The following ST18 variants were observed in gnomAD, a reference collection of about 807,000 sequenced individuals.
ST18 encodes suppression of tumorigenicity 18 protein.
A neutral mutation model predicts 110.0 loss-of-function variants in ST18; 50 were observed. That is an observed-to-expected ratio of 0.45 (90% CI 0.36 to 0.58). The LOEUF is 0.58. Ranked by LOEUF, ST18 falls within the 20% of genes least tolerant of loss-of-function variation. The pLI, the probability that ST18 is intolerant of heterozygous loss-of-function variation, is 0.00. For synonymous variants in ST18, 461 were observed against 452.4 expected (o/e 1.02, Z -0.24); for missense variants, 1,306 against 1,280.1 (o/e 1.02, Z -0.31).
chr8:52,400,856 C>T (rs145024976), intron 2 of ST18, among the ~76,000 whole-genome samples: 21 of 152,206 alleles, frequency 1.4e-4, no homozygotes, highest in East Asian at 5.8e-4. Flanking sequence ...AAGATTTACA[C>T]GCCACCACTA....
intron 2 of ST18, among the ~76,000 whole-genome samples, chr8:52,394,942 C>T (rs1313520643): frequency 6.6e-6 from 1 of 151,926 alleles, no homozygotes. Flanking sequence ...AGAAACACAG[C>T]AGACGCAATG....
At chr8:52,179,467 A>T (rs571562264) in intron 9 of ST18, among the ~76,000 whole-genome samples, 8 of 152,304 alleles carry the variant, frequency 5.3e-5, no homozygotes, top group African/African-American at 1.9e-4. Flanking sequence ...CTTTTCTACA[A>T]TACATCATTT....
chr8:52,358,216 G>A (rs1824063234), intron 2 of ST18, among the ~76,000 whole-genome samples: 1 of 151,688 alleles, frequency 6.6e-6, no homozygotes, highest in African/African-American at 2.4e-5. Context: ...ATGCTAGGAG[G>A]GAAATTTATA....
At chr8:52,306,121 A>C (rs946508494) in intron 2 of ST18, among the ~76,000 whole-genome samples, 7 of 152,258 alleles carry the variant, frequency 4.6e-5, no homozygotes, top group African/African-American at 1.4e-4. Flanking sequence ...CCCTAGGCTA[A>C]AATGCTCTTC....
In ST18 at chr8:52,218,303, G is replaced by A. The variant is rs552784095; in HGVS notation, c.-156-402C>T. ...TCATGGTGACCACAATGTTTTGAGG[G>A]CGCTTTCTGAAAACCCTTATAAAAT... On this transcript the variant is annotated intron_variant, in intron 5 of 25. Coordinates refer to ENST00000689386, the MANE Select transcript of ST18 (RefSeq NM_001352837.2). 3.3e-5 allele frequency among the ~76,000 whole-genome samples: 5 copies of A among 151,858 alleles called. No homozygotes were observed. The East Asian group carries it at 7.7e-4, about 23-fold the overall frequency.
intron 8 of ST18, among the ~76,000 whole-genome samples, chr8:52,186,236 A>G (rs2072141738): frequency 6.6e-6 from 1 of 152,238 alleles, no homozygotes; most frequent in African/African-American, 2.4e-5. Flanking sequence ...ACAAGAAAAG[A>G]CAGACTGCCA....
chr8:52,398,959 C>T (rs557779070), intron 2 of ST18, among the ~76,000 whole-genome samples: 4 of 151,940 alleles, frequency 2.6e-5, no homozygotes, highest in South Asian at 2.1e-4. Flanking sequence ...TCATAAAATG[C>T]GTTAGGAAGT....
intron 2 of ST18, among the ~76,000 whole-genome samples, chr8:52,280,993 A>G (rs1047624383): frequency 2.0e-5 from 3 of 152,180 alleles, no homozygotes; most frequent in Admixed American, 6.5e-5. Flanking sequence ...ATGTTAGGTA[A>G]GCAAAAAGTA....
intron 9 of ST18, 102 bp from the exon 10 acceptor site, chr8:52,172,685 AG>A: frequency 4.9e-6 from 4 of 819,126 alleles, no homozygotes; most frequent in Non-Finnish European, 7.4e-6. Context: ...TCACATACAT[AG>A]GTACATACAC....
chr8:52,287,227 C>T (rs909684815), intron 2 of ST18, among the ~76,000 whole-genome samples: 20 of 152,170 alleles, frequency 1.3e-4, no homozygotes, highest in African/African-American at 4.8e-4. Context: ...TTTCTATGTA[C>T]ATAGAACCTA....
chr8:52,282,504 C>T (rs779544841), intron 2 of ST18, among the ~76,000 whole-genome samples: 5 of 152,130 alleles, frequency 3.3e-5, no homozygotes, highest in African/African-American at 4.8e-5. Context: ...CTTTGAGAAA[C>T]GCACTAAGGA....
At chr8:52,409,811 C>G (rs1389229494), upstream of ST18, 1 of 152,254 alleles carries the variant, frequency 6.6e-6, no homozygotes. Flanking sequence ...TTACCAACCG[C>G]ACAAAGAAAA....
chr8:52,132,818 G>A (rs1208804741), intron 21 of ST18, among the ~76,000 whole-genome samples: 7 of 152,084 alleles, frequency 4.6e-5, no homozygotes, highest in Admixed American at 4.6e-4. Context: ...TAAAACAATT[G>A]AGAAATGTAT....
intron 2 of ST18, among the ~76,000 whole-genome samples, chr8:52,298,563 A>G (rs2095668162): frequency 6.6e-6 from 1 of 152,202 alleles, no homozygotes; most frequent in Non-Finnish European, 1.5e-5. Context: ...CCTTTTTCCA[A>G]ACCATGTGTG....
chr8:52,256,929 G>T (rs1190548663), intron 2 of ST18, among the ~76,000 whole-genome samples: 1 of 152,070 alleles, frequency 6.6e-6, no homozygotes, highest in African/African-American at 2.4e-5. Context: ...ATACTCATTA[G>T]CAGTCATTCC....
chr8:52,339,486 C>G (rs531076171), intron 2 of ST18, among the ~76,000 whole-genome samples: 1 of 152,240 alleles, frequency 6.6e-6, no homozygotes, highest in Non-Finnish European at 1.5e-5. Flanking sequence ...CTGCAGGGCA[C>G]GTACAGCAGG....
At position 52,111,067 on chromosome 8, in the gene ST18, C is replaced by T. The variant is rs1456891489; in HGVS notation, c.*2131G>A. ...AACAAATTCAGTGCACATTACAAAACACATCAAGTACAAAGTAGGCAAATA... is the reference window on the plus strand; with the variant it reads ...AACAAATTCAGTGCACATTACAAAATACATCAAGTACAAAGTAGGCAAATA... On this transcript the variant is annotated 3_prime_UTR_variant, in exon 26 of 26. Coordinates refer to ENST00000689386, the MANE Select transcript of ST18 (RefSeq NM_001352837.2). 2.5e-6 allele frequency: 1 copy of T among 398,384 alleles called. No homozygotes were observed. The highest frequency in any genetic ancestry group is 4.4e-6 in the Non-Finnish European group (1 of 225,794). The allele number at this position is 398,384 out of a possible 1,614,324, so 24.7% of individuals were successfully genotyped here.
intron 2 of ST18, among the ~76,000 whole-genome samples, chr8:52,382,752 A>T (rs984968060): frequency 5.6e-5 from 8 of 143,390 alleles, no homozygotes; most frequent in African/African-American, 2.0e-4. Context: ...TTCATTTACA[A>T]TTTTTTTTTT....
chr8:52,122,967 T>C lies in ST18; in HGVS notation c.2755+3085A>G, dbSNP rs1394794525. Among the ~76,000 whole-genome samples the C allele has an allele frequency of 2.0e-5, 3 of 152,222 alleles. No individual in the cohort carries two copies. The East Asian group carries it at 5.8e-4, about 29-fold the overall frequency. ...CACTATTTTGTCACATGAGAAGAGCTAGAAGGAGCTCCTAAATGCAAGACC... is the reference window on the plus strand; with the variant it reads ...CACTATTTTGTCACATGAGAAGAGCCAGAAGGAGCTCCTAAATGCAAGACC... On this transcript the variant is annotated intron_variant, in intron 23 of 25. Coordinates refer to ENST00000689386, the MANE Select transcript of ST18 (RefSeq NM_001352837.2).
Sources: gnomAD v4.1 joint callset for allele counts (sites outside exome capture counted in the v4.1 genomes callset) on GRCh38, gnomAD v4.1.1 for gene constraint, MANE v1.5 for transcripts, NCBI Gene and HGNC (gene_info 2026-07-23, HGNC 2026-07-21) for gene names.